KCNH8: variants seen among roughly 807,000 people sequenced by gnomAD.
KCNH8 encodes potassium voltage-gated channel subfamily H member 8.
Under a neutral mutation model 103.6 loss-of-function variants are expected in KCNH8, and 70 were observed. The ratio of observed to expected loss-of-function variants is 0.68; its 90% CI spans 0.56 to 0.82. The LOEUF is 0.82. KCNH8 is among the 40% of genes least tolerant of loss of function. The pLI is 0.00. For synonymous variants in KCNH8, 498 were observed against 489.4 expected, an observed-to-expected ratio of 1.02 and a Z score of -0.23; for missense variants, 1,217 against 1,329.9, an observed-to-expected ratio of 0.92 and a Z score of 1.32.
chr3:19,524,399 G>A (rs2069026859), intron 15 of KCNH8, among the ~76,000 whole-genome samples: 1 of 151,892 alleles, frequency 6.6e-6, no homozygotes, highest in Admixed American at 6.6e-5. Flanking sequence ...TTAGATATGT[G>A]TTATTGATGT....
intron 1 of KCNH8, among the ~76,000 whole-genome samples, chr3:19,155,901 A>G (rs900353265): frequency 3.3e-5 from 5 of 152,176 alleles, no homozygotes; most frequent in African/African-American, 1.2e-4. Flanking sequence ...TAACTATGTC[A>G]TTACTCCCAT....
intron 8 of KCNH8, among the ~76,000 whole-genome samples, chr3:19,441,398 T>C (rs1357603928): frequency 6.6e-6 from 1 of 152,246 alleles, no homozygotes; most frequent in East Asian, 1.9e-4. Flanking sequence ...ACTGAATTAC[T>C]GCTGTTGAAA....
intron 11 of KCNH8, among the ~76,000 whole-genome samples, chr3:19,490,531 A>G (rs183618262): frequency 2.6e-5 from 4 of 152,338 alleles, no homozygotes; most frequent in Non-Finnish European, 5.9e-5. Flanking sequence ...TCTGTAATCT[A>G]TAGATAATAT....
Position 19,237,319 on chromosome 3 carries a change from A to G in KCNH8, c.77-16335A>G, listed in dbSNP as rs147288052. Among the ~76,000 whole-genome samples, 149 of 152,308 alleles carry G rather than the reference A, an allele frequency of 9.8e-4. No homozygotes were observed. In the Middle Eastern group the frequency reaches 0.017, roughly 17 times the overall value. On this transcript the variant is annotated intron_variant, in intron 1 of 15. Transcript: ENST00000328405. ...ATCTTTCCTCCAGTGGACATGGCCC[A>G]ATGCTAGGGCTCATGGCTTGGTGAA... is the stretch of plus-strand genomic sequence containing the variant.
At chr3:19,198,324 G>A (rs1338980506) in intron 1 of KCNH8, among the ~76,000 whole-genome samples, 1 of 152,008 alleles carries the variant, frequency 6.6e-6, no homozygotes, top group Non-Finnish European at 1.5e-5. Context: ...GCCTTGAACT[G>A]GAGGAGTTGG....
At chr3:19,377,223 AG>A (rs2066221617) in intron 5 of KCNH8, among the ~76,000 whole-genome samples, 1 of 152,252 alleles carries the variant, frequency 6.6e-6, no homozygotes, top group African/African-American at 2.4e-5. Flanking sequence ...ACAAATGAAA[AG>A]ACGGTATTTT....
At chr3:19,329,196 G>A (rs1470184028) in intron 3 of KCNH8, among the ~76,000 whole-genome samples, 2 of 152,288 alleles carry the variant, frequency 1.3e-5, no homozygotes, top group East Asian at 3.9e-4. Flanking sequence ...TATGGAGACA[G>A]CTGTTTCACT....
At chr3:19,230,850 C>T (rs148892258) in intron 1 of KCNH8, among the ~76,000 whole-genome samples, 5 of 152,240 alleles carry the variant, frequency 3.3e-5, no homozygotes, top group East Asian at 3.9e-4. Context: ...TTCTTCGGAA[C>T]GCAAATTTGC....
chr3:19,148,890 C>T, intron 1 of KCNH8, 95 bp downstream of exon 1: 2 of 1,113,906 alleles, frequency 1.8e-6, no homozygotes, highest in Non-Finnish European at 2.8e-6. Flanking sequence ...TTTGCACCAG[C>T]GGAGTGAATT....
chr3:19,254,009 C>T (rs2064313943), intron 2 of KCNH8, 122 bp downstream of exon 2: 4 of 665,962 alleles, frequency 6.0e-6, no homozygotes, highest in Non-Finnish European at 1.0e-5. Context: ...CAGGCTGTTA[C>T]AGAAGTTCCA....
At chr3:19,466,070 A>T (rs1164266321) in intron 11 of KCNH8, among the ~76,000 whole-genome samples, 1 of 151,944 alleles carries the variant, frequency 6.6e-6, no homozygotes, top group Admixed American at 6.6e-5. Flanking sequence ...ATGCACGGGC[A>T]TGCACCACCA....
chr3:19,251,534 G>A (rs1488271848), intron 1 of KCNH8, among the ~76,000 whole-genome samples: 2 of 152,006 alleles, frequency 1.3e-5, no homozygotes, highest in Non-Finnish European at 2.9e-5. Flanking sequence ...CCAGCCGATG[G>A]TGGACTATGT....
rs947122565 is a variant in KCNH8 at position 19,448,990 on chromosome 3, G to C, written c.1376-1116G>C. 3 of 1,283,658 alleles carry C rather than the reference G, an allele frequency of 2.3e-6. No homozygotes were observed. The East Asian group carries it at 1.7e-4, about 71-fold the overall frequency. 79.5% of individuals were successfully genotyped at this position (1,283,658 alleles called of 1,614,324 possible). A position where few individuals can be genotyped will look rare whatever the true frequency, so the allele number is the denominator to read the frequency against. On this transcript the variant is annotated intron_variant, in intron 8 of 15. Coordinates refer to ENST00000328405, the MANE Select transcript of KCNH8 (RefSeq NM_144633.3). ...TATCTGCTGGTTTAGAAACCATTTC[G>C]GTTTCATTCTGCTAATGACTAGTGA...
chr3:19,362,119 C>T (rs2065954666), intron 5 of KCNH8, among the ~76,000 whole-genome samples: 1 of 152,068 alleles, frequency 6.6e-6, no homozygotes, highest in Non-Finnish European at 1.5e-5. Context: ...GAAAATCTTC[C>T]TTCTATCTTC....
chr3:19,532,262 A>G (rs1403330406), intron 15 of KCNH8, among the ~76,000 whole-genome samples: 1 of 152,220 alleles, frequency 6.6e-6, no homozygotes, highest in Non-Finnish European at 1.5e-5. Flanking sequence ...AAAACTGAAT[A>G]AAGTACCTAC....
intron 3 of KCNH8, among the ~76,000 whole-genome samples, chr3:19,295,383 C>CAAAT (rs554786703): frequency 0.12 from 17,430 of 145,278 alleles, 1,209 homozygotes; most frequent in South Asian, 0.2. Context: ...GACCCTGTCT[C>CAAAT]AAATAAATAA....
intron 3 of KCNH8, among the ~76,000 whole-genome samples, chr3:19,293,357 G>A (rs573455837): frequency 9.9e-5 from 15 of 152,248 alleles, no homozygotes; most frequent in African/African-American, 3.6e-4. Context: ...ACAAGCAATT[G>A]TTATTGAAAC....
chr3:19,533,924 C>T lies in KCNH8; in HGVS notation c.3149C>T (p.Ser1050Leu). Reference protein sequence around the residue: ...TSLHLVLPSRSEEGSFSQGTV... With the variant: ...TSLHLVLPSRLEEGSFSQGTV... ...TTGCACCTAGTTCTCCCAAGCAGAT[C>T]AGAGGAGGGCAGCTTCAGTCAGGGA... Residue 1050 changes from serine to leucine, a missense_variant, in exon 16 of 16, where the codon TCA becomes TTA. Coordinates refer to ENST00000328405, the MANE Select transcript of KCNH8 (RefSeq NM_144633.3). The T allele has an allele frequency of 1.1e-5, 18 of 1,614,142 alleles. No homozygotes were observed. Among genetic ancestry groups the T allele is most frequent in the Non-Finnish European group, 1.5e-5 (18 of 1,180,026 alleles).
intron 11 of KCNH8, among the ~76,000 whole-genome samples, chr3:19,488,815 C>T (rs74529732): frequency 0.029 from 4,440 of 152,108 alleles, 104 homozygotes; most frequent in Non-Finnish European, 0.045. Flanking sequence ...ACTTAGTTGC[C>T]GCCTGGAGCA....
Sources: gnomAD v4.1 joint callset for allele counts (sites outside exome capture counted in the v4.1 genomes callset) on GRCh38, gnomAD v4.1.1 for gene constraint, MANE v1.5 for transcripts, NCBI Gene and HGNC (gene_info 2026-07-23, HGNC 2026-07-21) for gene names.